FARP1: variants seen among roughly 807,000 people sequenced by gnomAD.
The protein encoded by FARP1 is FERM, ARHGEF and pleckstrin domain-containing protein 1.
A neutral mutation model predicts 128.8 loss-of-function variants in FARP1; 52 were observed. The ratio of observed to expected loss-of-function variants is 0.40; its 90% CI spans 0.32 to 0.51. The LOEUF is 0.51. FARP1 is among the 20% of genes least tolerant of loss of function. The pLI is 0.45. For missense variants in FARP1, 1,333 were observed against 1,367.9 expected, an observed-to-expected ratio of 0.97 and a Z score of 0.40; for synonymous variants, 580 against 551.8, an observed-to-expected ratio of 1.05 and a Z score of -0.72.
intron 1 of FARP1, among the ~76,000 whole-genome samples, chr13:98,192,990 T>G (rs1172504444): frequency 6.6e-6 from 1 of 151,960 alleles, no homozygotes; most frequent in Non-Finnish European, 1.5e-5. Flanking sequence ...CATTCACAAG[T>G]AAGATGCCAT....
intron 1 of FARP1, among the ~76,000 whole-genome samples, chr13:98,162,521 C>T (rs116090917): frequency 0.026 from 4,031 of 152,260 alleles, 183 homozygotes; most frequent in African/African-American, 0.091. Flanking sequence ...GATAAACTTA[C>T]CTTGAACCTC....
intron 18 of FARP1, chr13:98,434,120 A>G (rs1378432868): frequency 2.6e-5 from 4 of 152,284 alleles, no homozygotes; most frequent in Non-Finnish European, 4.4e-5. Flanking sequence ...AGCTTAAAGC[A>G]TGAAGTGGCA....
rs1007409306 is a variant in FARP1 at position 98,446,551 on chromosome 13, G to A, written c.2905-115G>A. ...CTGCCATGGTCCCTTCCAGGCCCAC[G>A]CCCGAGGAGGGAGCTGCCTGGGCTC... On this transcript the variant is annotated intron_variant, in intron 25 of 26. Coordinates refer to ENST00000319562, the MANE Select transcript of FARP1 (RefSeq NM_005766.4). 18 of 1,094,178 alleles carry A rather than the reference G, an allele frequency of 1.6e-5. No individual in the cohort carries two copies. The East Asian group carries it at 1.9e-4, about 11-fold the overall frequency. The allele number at this position is 1,094,178 out of a possible 1,614,324, so 67.8% of individuals were successfully genotyped here.
chr13:98,338,094 C>G (rs1361835030), intron 2 of FARP1, among the ~76,000 whole-genome samples: 1 of 152,188 alleles, frequency 6.6e-6, no homozygotes, highest in African/African-American at 2.4e-5. Context: ...TCCTCAACTA[C>G]TTTTTCTCCC....
intron 2 of FARP1, among the ~76,000 whole-genome samples, chr13:98,293,603 G>T (rs1250288465): frequency 2.0e-5 from 3 of 152,168 alleles, no homozygotes; most frequent in Admixed American, 1.3e-4. Flanking sequence ...TCAACAATAT[G>T]TAAAATGTAG....
intron 2 of FARP1, chr13:98,333,366 CT>C (rs1230515635): frequency 6.6e-6 from 1 of 151,462 alleles, no homozygotes; most frequent in Non-Finnish European, 1.5e-5. Context: ...GGATTCTCCC[CT>C]AAATGTTTTT....
At chr13:98,252,658 T>G (rs952752339) in intron 2 of FARP1, among the ~76,000 whole-genome samples, 1 of 152,224 alleles carries the variant, frequency 6.6e-6, no homozygotes, top group African/African-American at 2.4e-5. Flanking sequence ...TACTGTGTTC[T>G]TTAAACATTT....
At chr13:98,390,545 G>A (rs1890266802) in intron 10 of FARP1, 1 of 464,350 alleles carries the variant, frequency 2.2e-6, no homozygotes, top group Non-Finnish European at 3.8e-6. Flanking sequence ...AGGCTCTTGG[G>A]ATGGTTGCTT....
intron 2 of FARP1, among the ~76,000 whole-genome samples, chr13:98,241,267 C>T (rs1020535092): frequency 4.6e-5 from 7 of 151,816 alleles, no homozygotes; most frequent in Admixed American, 2.0e-4. Context: ...GCTGGCAGGA[C>T]GAGCCTGAGA....
Position 98,343,754 on chromosome 13 carries a change from G to A in FARP1, c.172-8G>A. 1 of 1,605,804 alleles carries A rather than the reference G, an allele frequency of 6.2e-7. No individual in the cohort carries two copies. Among genetic ancestry groups the A allele is most frequent in the Non-Finnish European group, 8.5e-7 (1 of 1,172,486 alleles). On this transcript the variant is annotated splice_polypyrimidine_tract_variant and splice_region_variant and intron_variant, in intron 2 of 26. Transcript: ENST00000319562. ...CTCAGGGATAACCCCTGTTGTTTCT[G>A]CTCACAGCAAAGAGCTCCTGGGAAG...
intron 2 of FARP1, among the ~76,000 whole-genome samples, chr13:98,280,473 T>C (rs557549523): frequency 6.6e-6 from 1 of 152,238 alleles, no homozygotes; most frequent in African/African-American, 2.4e-5. Context: ...GTCCTTCCCA[T>C]GTGCTCCCCG....
In FARP1 at chr13:98,206,278, A is replaced by T. The variant is rs145230106; in HGVS notation, c.-23-6942A>T. On this transcript the variant is annotated intron_variant, in intron 1 of 26. Transcript: ENST00000319562. ...AACTTTGGTAGTCAACCTTGGTGGT[A>T]TGTCTAATGCAGTCTGTCTTTTTCA... Among the ~76,000 whole-genome samples, 409 of 151,912 alleles carry T rather than the reference A, an allele frequency of 2.7e-3. 1 individual carries two copies. Among genetic ancestry groups the T allele is most frequent in the African/African-American group, 9.2e-3 (380 of 41,398 alleles).
intron 1 of FARP1, chr13:98,204,311 T>C (rs1192303349): frequency 6.6e-6 from 1 of 152,232 alleles, no homozygotes; most frequent in Non-Finnish European, 1.5e-5. Flanking sequence ...ATTAATGATG[T>C]TGAACATCTT....
At chr13:98,174,663 T>G (rs1436549937) in intron 1 of FARP1, among the ~76,000 whole-genome samples, 2 of 152,186 alleles carry the variant, frequency 1.3e-5, no homozygotes, top group Admixed American at 6.5e-5. Flanking sequence ...TGGCTCACTT[T>G]TATGGGGCAC....
At chr13:98,317,343 A>G (rs1167268244) in intron 2 of FARP1, among the ~76,000 whole-genome samples, 1 of 152,134 alleles carries the variant, frequency 6.6e-6, no homozygotes, top group African/African-American at 2.4e-5. Flanking sequence ...TACTGCAGCC[A>G]TGAACTCCTG....
rs751873200 is a variant in FARP1, at chr13:98,435,667, A to C, written c.2235A>C (p.Lys745Asn). The C allele has an allele frequency of 2.5e-6, 4 of 1,614,172 alleles. No homozygotes were observed. The Admixed American group carries it at 5.0e-5, about 20-fold the overall frequency. The change falls in exon 19 of 27, where the codon AAA (lysine) becomes AAC (asparagine). Residue 745 changes from lysine (K) to asparagine (N), a missense_variant. Physicochemically the swap from Lys to Asn is moderately conservative, Grantham distance 94. Coordinates refer to ENST00000319562, the MANE Select transcript of FARP1 (RefSeq NM_005766.4). Reference sequence around the variant, plus strand: ...TCCAGAAGCTGCACGAACTCAAGAAAGATTTGATTGGCATTGACAATCTTG... The same window carrying C: ...TCCAGAAGCTGCACGAACTCAAGAACGATTTGATTGGCATTGACAATCTTG... ...ENFQKLHELK[K>N]DLIGIDNLVV...
At chr13:98,204,794 TACTAACTGG>T (rs1880166122) in intron 1 of FARP1, among the ~76,000 whole-genome samples, 1 of 152,098 alleles carries the variant, frequency 6.6e-6, no homozygotes, top group South Asian at 2.1e-4. Context: ...ACTTTGTGCA[TACTAACTGG>T]TGGTGGTGGT....
rs150954447 is a variant in FARP1 at position 98,239,781 on chromosome 13, CT to C, written c.171+26369del. The stretch of plus-strand genomic sequence containing the variant: ...GGGAGGGGGTGCTCAGGTGAGACTT[CT>C]GGGGAGCAGGTGACTCTCTGGCTCC... On this transcript the variant is annotated intron_variant, in intron 2 of 26. Transcript: ENST00000319562. Among the ~76,000 whole-genome samples, 907 of 152,134 alleles carry C rather than the reference CT, an allele frequency of 6.0e-3. 12 individuals carry two copies. Among genetic ancestry groups the C allele is most frequent in the African/African-American group, 0.021 (853 of 41,514 alleles).
At chr13:98,371,218 G>GTT (rs33975048) in intron 5 of FARP1, among the ~76,000 whole-genome samples, 4,376 of 124,616 alleles carry the variant, frequency 0.035, 120 homozygotes, top group Non-Finnish European at 0.053. Context: ...CCCGCCCCCC[G>GTT]TTTTTTTTTT....
Sources: allele counts gnomAD v4.1 joint callset (sites outside exome capture counted in the v4.1 genomes callset), GRCh38; gene constraint gnomAD v4.1.1; transcripts MANE v1.5; gene names NCBI Gene and HGNC (gene_info 2026-07-23, HGNC 2026-07-21).